XK: variants seen among roughly 807,000 people sequenced by gnomAD.
The protein encoded by XK is endoplasmic reticulum membrane adapter protein XK.
Under a neutral mutation model 14.0 loss-of-function variants are expected in XK, and 2 were observed. The observed-to-expected ratio is 0.14, with a 90% CI of 0.06 to 0.45. The LOEUF (loss-of-function observed/expected upper bound fraction) is 0.45. Ranked by LOEUF, XK falls within the 20% of genes least tolerant of loss-of-function variation. The pLI, the probability that XK is intolerant of heterozygous loss-of-function variation, is 0.98. For synonymous variants in XK, 149 were observed against 147.5 expected, an observed-to-expected ratio of 1.01 and a Z score of -0.08; for missense variants, 235 against 341.5, an observed-to-expected ratio of 0.69 and a Z score of 2.46.
intron 2 of XK, among the ~76,000 whole-genome samples, chrX:37,695,441 A>G (rs1283854175): frequency 9.0e-6 from 1 of 111,161 alleles, no homozygotes; most frequent in Non-Finnish European, 1.9e-5. Flanking sequence ...GTTAAGTTAA[A>G]AAAAAAAAAC....
chrX:37,731,854 C>G lies in XK; in HGVS notation c.*3392C>G, dbSNP rs1556451269. 2 of 112,314 alleles carry G rather than the reference C, an allele frequency of 1.8e-5. No individual in the cohort carries two copies. Among genetic ancestry groups the G allele is most frequent in the East Asian group, 5.6e-4 (2 of 3,598 alleles). 9.3% of individuals were successfully genotyped at this position (112,314 alleles called of 1,213,427 possible). Reference sequence around the variant, plus strand: ...ATCTTTTGATAATTGTGCTTTACAACTTGAATGCTGATTCAAGGCATTATT... The same window carrying G: ...ATCTTTTGATAATTGTGCTTTACAAGTTGAATGCTGATTCAAGGCATTATT... On this transcript the variant is annotated 3_prime_UTR_variant, in exon 3 of 3. Transcript: ENST00000378616.
At chrX:37,701,315 T>A (rs1355168548) in intron 2 of XK, among the ~76,000 whole-genome samples, 3 of 112,813 alleles carry the variant, frequency 2.7e-5, no homozygotes, top group African/African-American at 9.7e-5. Context: ...TGTAATTCTG[T>A]CTTGAGTGAT....
At chrX:37,715,888 G>T (rs781831775) in intron 2 of XK, among the ~76,000 whole-genome samples, 8 of 111,280 alleles carry the variant, frequency 7.2e-5, no homozygotes, top group Admixed American at 1.9e-4. Context: ...AATGGGCCAG[G>T]GGGGAGAATG....
chrX:37,710,427 A>G (rs1433842873), intron 2 of XK, among the ~76,000 whole-genome samples: 3 of 112,178 alleles, frequency 2.7e-5, no homozygotes, highest in Non-Finnish European at 3.8e-5. Context: ...AGTTGTTAAA[A>G]TATATTTTTC....
At chrX:37,714,673 T>C (rs1556447422) in intron 2 of XK, among the ~76,000 whole-genome samples, 1 of 111,872 alleles carries the variant, frequency 8.9e-6, no homozygotes, top group Non-Finnish European at 1.9e-5. Context: ...CTTACGAAGC[T>C]GGGAACCCAT....
chrX:37,729,173 G>A lies in XK; in HGVS notation c.*711G>A, dbSNP rs1350945184. On this transcript the variant is annotated 3_prime_UTR_variant, in exon 3 of 3. Coordinates refer to ENST00000378616, the MANE Select transcript of XK (RefSeq NM_021083.4). ...TAGGAAAGTTGTGATTCTTTGATAT[G>A]TTGATGAAATTCTGGATCAGGAGGG... 3 of 111,180 alleles carry A rather than the reference G, an allele frequency of 2.7e-5. No individual in the cohort carries two copies. Among genetic ancestry groups the A allele is most frequent in the African/African-American group, 9.8e-5 (3 of 30,543 alleles). 9.2% of individuals were successfully genotyped at this position (111,180 alleles called of 1,213,427 possible).
At chrX:37,719,567 A>G (rs1251850903) in intron 2 of XK, among the ~76,000 whole-genome samples, 1 of 110,800 alleles carries the variant, frequency 9.0e-6, no homozygotes, top group African/African-American at 3.3e-5. Flanking sequence ...TTATCTTTAT[A>G]GCTGTATCTA....
intron 2 of XK, among the ~76,000 whole-genome samples, chrX:37,705,316 G>A (rs1022736037): frequency 1.8e-5 from 2 of 110,183 alleles, no homozygotes; most frequent in East Asian, 5.7e-4. Flanking sequence ...GCCGGGCGTG[G>A]TGGCGGGCGC....
At chrX:37,723,115 C>T (rs1242604256) in intron 2 of XK, among the ~76,000 whole-genome samples, 6 of 110,986 alleles carry the variant, frequency 5.4e-5, no homozygotes, top group Non-Finnish European at 1.1e-4. Flanking sequence ...AGCAAAATGC[C>T]TCCATCCATA....
chrX:37,701,599 T>C (rs1317017625), intron 2 of XK, among the ~76,000 whole-genome samples: 2 of 112,779 alleles, frequency 1.8e-5, no homozygotes, highest in African/African-American at 6.4e-5. Context: ...TTACTCCTGC[T>C]GGGCAGGTTT....
At chrX:37,727,243 A>C (rs1556450205) in intron 2 of XK, among the ~76,000 whole-genome samples, 3 of 111,434 alleles carry the variant, frequency 2.7e-5, no homozygotes, top group African/African-American at 9.8e-5. Flanking sequence ...CTATTAGACA[A>C]CTATCACCAT....
At chrX:37,717,003 G>T (rs781912661) in intron 2 of XK, among the ~76,000 whole-genome samples, 1 of 111,496 alleles carries the variant, frequency 9.0e-6, no homozygotes, top group Non-Finnish European at 1.9e-5. Flanking sequence ...ACCCATTCCC[G>T]GGTGCCTGAC....
At chrX:37,689,745 C>T (rs1242586608) in intron 1 of XK, among the ~76,000 whole-genome samples, 3 of 111,993 alleles carry the variant, frequency 2.7e-5, no homozygotes, top group African/African-American at 6.5e-5. Context: ...TTGAATGATA[C>T]GAACTTTGGA....
At chrX:37,725,586 A>G (rs1927960069) in intron 2 of XK, among the ~76,000 whole-genome samples, 1 of 111,178 alleles carries the variant, frequency 9.0e-6, no homozygotes, top group African/African-American at 3.3e-5. Context: ...CAAACAAATC[A>G]CACCCATTGG....
At chrX:37,700,136 G>A (rs1405964654) in intron 2 of XK, among the ~76,000 whole-genome samples, 4 of 111,558 alleles carry the variant, frequency 3.6e-5, no homozygotes, top group Non-Finnish European at 7.5e-5. Flanking sequence ...TTATTCTCTA[G>A]TATCTGATGG....
chrX:37,707,572 G>A (rs2146822738), intron 2 of XK, among the ~76,000 whole-genome samples: 1 of 110,354 alleles, frequency 9.1e-6, no homozygotes, highest in South Asian at 4.0e-4. Context: ...TCTCAGACGG[G>A]GCGGCCGGGC....
At chrX:37,719,718 T>G (rs1337539733) in intron 2 of XK, among the ~76,000 whole-genome samples, 5 of 111,398 alleles carry the variant, frequency 4.5e-5, no homozygotes, top group Admixed American at 3.8e-4. Context: ...TCATATAAAT[T>G]ATAGTTATTT....
intron 2 of XK, among the ~76,000 whole-genome samples, chrX:37,705,221 G>A (rs991234910): frequency 1.8e-4 from 20 of 110,288 alleles, no homozygotes; most frequent in African/African-American, 5.0e-4. Context: ...CAAGGCGGGC[G>A]GATCACGAGG....
At chrX:37,716,203 A>G (rs1927763054) in intron 2 of XK, among the ~76,000 whole-genome samples, 1 of 112,298 alleles carries the variant, frequency 8.9e-6, no homozygotes, top group Non-Finnish European at 1.9e-5. Flanking sequence ...GCATAGAATT[A>G]GAGGCACTGA....
Sources: gnomAD v4.1 joint callset for allele counts (sites outside exome capture counted in the v4.1 genomes callset) on GRCh38, gnomAD v4.1.1 for gene constraint, MANE v1.5 for transcripts, NCBI Gene and HGNC (gene_info 2026-07-23, HGNC 2026-07-21) for gene names.